ARSG: variants seen among roughly 807,000 people sequenced by gnomAD.
The protein encoded by ARSG is ASG.
ARSG carries 37 observed loss-of-function variants against 50.5 expected under a neutral mutation model. The observed-to-expected ratio is 0.73, with a 90% CI of 0.56 to 0.96. ARSG has a LOEUF of 0.96. ARSG is among the 50% of genes least tolerant of loss of function. The pLI is 0.00. For synonymous variants in ARSG, 225 were observed against 254.6 expected (o/e 0.88, Z 1.11); for missense variants, 629 against 675.3 (o/e 0.93, Z 0.76).
At chr17:68,263,724 A>T (rs1555745735) in intron 1 of ARSG, among the ~76,000 whole-genome samples, 2 of 152,208 alleles carry the variant, frequency 1.3e-5, no homozygotes. Flanking sequence ...TGCTGGGATT[A>T]CAGGGATGAG....
intron 11 of ARSG, 37 bp downstream of exon 11, chr17:68,401,487 C>T (rs1489813827): frequency 6.3e-7 from 1 of 1,593,474 alleles, no homozygotes; most frequent in African/African-American, 1.3e-5. Flanking sequence ...CTCCCACAGT[C>T]ACAGCTGCAC....
chr17:68,430,999 C>T, the ARSG span, among the ~76,000 whole-genome samples: 30 of 152,276 alleles, frequency 2.0e-4, 1 homozygote, highest in Middle Eastern at 3.4e-3. Context: ...TTCATGTTCT[C>T]ATCTGAAAGT....
rs565197521 is a variant in ARSG, at chr17:68,408,586, C to T, written c.1303+7136C>T. Among the ~76,000 whole-genome samples the T allele has an allele frequency of 3.9e-4, 59 of 152,130 alleles. No homozygotes were observed. In the South Asian group the frequency reaches 0.011, roughly 27 times the overall value. ...TGTGAATAATGCTGCAATAAACATA[C>T]GTGTGCATGTGTCTTTAAAGCAGCA... On this transcript the variant is annotated intron_variant, in intron 11 of 11. Coordinates refer to ENST00000621439, the MANE Select transcript of ARSG (RefSeq NM_001267727.2).
intron 9 of ARSG, among the ~76,000 whole-genome samples, chr17:68,394,547 T>C (rs549471459): frequency 1.8e-4 from 27 of 152,206 alleles, no homozygotes; most frequent in Non-Finnish European, 3.7e-4. Flanking sequence ...CAGACGAGTA[T>C]TACTTCAGCC....
At chr17:68,427,358 GTTAT>G (rs2083266141), downstream of ARSG, 16 of 859,426 alleles carry the variant, frequency 1.9e-5, no homozygotes, top group Middle Eastern at 2.3e-4. Flanking sequence ...AGCTCTGTGG[GTTAT>G]TTATTTATTT....
rs2075144315 is a variant in ARSG at position 68,265,674 on chromosome 17, G to A, written c.-552+6248G>A. On this transcript the variant is annotated intron_variant, in intron 1 of 11. Transcript: ENST00000448504. ...GGTGTTACAGATGTGTGGTGAAGGG[G>A]CTGGAAACTGTGGTCCACAGGCCAA... is the stretch of plus-strand genomic sequence containing the variant. 3.3e-5 allele frequency among the ~76,000 whole-genome samples: 5 copies of A among 151,414 alleles called. No individual in the cohort carries two copies. The South Asian group carries it at 1.0e-3, about 32-fold the overall frequency.
At chr17:68,403,476 A>C (rs1412084889) in intron 11 of ARSG, among the ~76,000 whole-genome samples, 2 of 152,244 alleles carry the variant, frequency 1.3e-5, no homozygotes, top group Non-Finnish European at 2.9e-5. Flanking sequence ...AGGATGAAAC[A>C]GGGGCATGTT....
At chr17:68,380,547 G>C (rs578249421) in intron 8 of ARSG, among the ~76,000 whole-genome samples, 2 of 152,236 alleles carry the variant, frequency 1.3e-5, no homozygotes, top group South Asian at 4.2e-4. Flanking sequence ...GGGATTACAG[G>C]TTTGAGCTAC....
At chr17:68,414,576 T>C (rs1458472938) in intron 11 of ARSG, among the ~76,000 whole-genome samples, 2 of 152,188 alleles carry the variant, frequency 1.3e-5, no homozygotes, top group African/African-American at 2.4e-5. Context: ...CTCTTTGTCA[T>C]GTGGAATAGT....
intron 1 of ARSG, among the ~76,000 whole-genome samples, chr17:68,300,353 G>A (rs1413391632): frequency 6.6e-6 from 1 of 152,170 alleles, no homozygotes; most frequent in Non-Finnish European, 1.5e-5. Context: ...TTGAAATGTT[G>A]GGTAAGTACA....
At chr17:68,296,698 A>G (rs2076220848) in intron 1 of ARSG, among the ~76,000 whole-genome samples, 1 of 152,148 alleles carries the variant, frequency 6.6e-6, no homozygotes, top group African/African-American at 2.4e-5. Flanking sequence ...GCCTCTGCTC[A>G]TCCATAGCCC....
the ARSG span, chr17:68,450,727 C>T: frequency 6.2e-7 from 1 of 1,604,946 alleles, no homozygotes; most frequent in Non-Finnish European, 8.5e-7. Context: ...TCCCCACTTA[C>T]TTGCCGGTTC....
intron 1 of ARSG, among the ~76,000 whole-genome samples, chr17:68,283,373 T>G (rs1026791736): frequency 2.0e-5 from 3 of 151,548 alleles, no homozygotes; most frequent in African/African-American, 7.3e-5. Context: ...ACAAAAAAAT[T>G]AGCCAGGCGT....
At chr17:68,384,888 G>A (rs934990022) in intron 8 of ARSG, among the ~76,000 whole-genome samples, 176 bp from the exon 9 acceptor site, 3 of 152,164 alleles carry the variant, frequency 2.0e-5, no homozygotes, top group Non-Finnish European at 4.4e-5. Flanking sequence ...AAAATAAAAA[G>A]CATATTTTGA....
chr17:68,408,934 T>C (rs1369919203), intron 11 of ARSG, among the ~76,000 whole-genome samples: 3 of 150,694 alleles, frequency 2.0e-5, no homozygotes, highest in East Asian at 3.9e-4. Flanking sequence ...TTTTGAGAAG[T>C]GTCTGTTCAT....
At chr17:68,394,184 G>A (rs1297919722) in intron 9 of ARSG, among the ~76,000 whole-genome samples, 1 of 152,108 alleles carries the variant, frequency 6.6e-6, no homozygotes, top group African/African-American at 2.4e-5. Flanking sequence ...TGTAAAGAAG[G>A]AAAAAGAAAT....
chr17:68,260,755 A>G (rs1386134894), intron 1 of ARSG, among the ~76,000 whole-genome samples: 1 of 152,100 alleles, frequency 6.6e-6, no homozygotes, highest in Non-Finnish European at 1.5e-5. Flanking sequence ...GGCCTCCCAA[A>G]GTGCTGGGAT....
At chr17:68,431,742 C>T in the ARSG span, among the ~76,000 whole-genome samples, 5 of 152,266 alleles carry the variant, frequency 3.3e-5, no homozygotes, top group Non-Finnish European at 7.3e-5. Context: ...GAGCCGTAAC[C>T]GCCGGGGACA....
At chr17:68,356,368 C>A (rs2079032331) in intron 5 of ARSG, among the ~76,000 whole-genome samples, 1 of 152,286 alleles carries the variant, frequency 6.6e-6, no homozygotes, top group East Asian at 1.9e-4. Context: ...GTTCTTTAGA[C>A]CTCAGTTTCT....
Sources: allele counts gnomAD v4.1 joint callset (sites outside exome capture counted in the v4.1 genomes callset), GRCh38; gene constraint gnomAD v4.1.1; transcripts MANE v1.5; gene names NCBI Gene and HGNC (gene_info 2026-07-23, HGNC 2026-07-21).